CACNA2D3: variants seen among roughly 807,000 people sequenced by gnomAD.
CACNA2D3 encodes the protein calcium voltage-gated channel auxiliary subunit alpha2delta 3.
A neutral mutation model predicts 160.6 loss-of-function variants in CACNA2D3; 60 were observed. That is an observed-to-expected ratio of 0.37 (90% CI 0.30 to 0.46). The LOEUF is 0.46. Among genes scored for constraint, CACNA2D3 ranks in the 20% least tolerant of loss-of-function variants. CACNA2D3 has a pLI of 1.00. For missense variants in CACNA2D3, 1,205 were observed against 1,365.0 expected (o/e 0.88, Z 1.85); for synonymous variants, 558 against 492.9 (o/e 1.13, Z -1.75).
intron 4 of CACNA2D3, among the ~76,000 whole-genome samples, chr3:54,436,616 C>T (rs1387144375): frequency 6.6e-6 from 1 of 152,154 alleles, no homozygotes; most frequent in Non-Finnish European, 1.5e-5. Context: ...GAATAGAGTC[C>T]ATGTCCTTTG....
chr3:54,690,688 G>A (rs1334044668), intron 11 of CACNA2D3, among the ~76,000 whole-genome samples: 1 of 152,138 alleles, frequency 6.6e-6, no homozygotes, highest in Non-Finnish European at 1.5e-5. Context: ...TCTGACTGAA[G>A]AACCAGTATG....
At chr3:54,701,158 A>G (rs1454170297) in intron 11 of CACNA2D3, among the ~76,000 whole-genome samples, 1 of 152,244 alleles carries the variant, frequency 6.6e-6, no homozygotes, top group East Asian at 1.9e-4. Context: ...TCTAGGCTTT[A>G]CAAGTCATCT....
intron 2 of CACNA2D3, among the ~76,000 whole-genome samples, chr3:54,287,097 T>C (rs1380633367): frequency 7.9e-5 from 12 of 152,002 alleles, no homozygotes; most frequent in African/African-American, 2.4e-4. Flanking sequence ...TAAATGTAAA[T>C]GGACTAAATG....
intron 13 of CACNA2D3, among the ~76,000 whole-genome samples, chr3:54,777,161 C>G (rs1038493301): frequency 6.6e-6 from 1 of 152,156 alleles, no homozygotes; most frequent in Admixed American, 6.5e-5. Flanking sequence ...CACCTTTACT[C>G]CAAAAGAATC....
intron 11 of CACNA2D3, among the ~76,000 whole-genome samples, chr3:54,711,760 G>A (rs955425769): frequency 2.6e-5 from 4 of 152,244 alleles, no homozygotes; most frequent in African/African-American, 9.6e-5. Context: ...TAGGTAGACA[G>A]TTGGCAGTAC....
chr3:54,254,477 G>A (rs1388078290), intron 2 of CACNA2D3, among the ~76,000 whole-genome samples: 1 of 152,172 alleles, frequency 6.6e-6, no homozygotes, highest in African/African-American at 2.4e-5. Context: ...CAATCTTCCA[G>A]TAGCTTCTTT....
At chr3:54,488,352 C>T (rs1277691735) in intron 4 of CACNA2D3, among the ~76,000 whole-genome samples, 2 of 152,154 alleles carry the variant, frequency 1.3e-5, no homozygotes, top group African/African-American at 4.8e-5. Flanking sequence ...TGATGAAAGG[C>T]CCTGCCAGGC....
intron 2 of CACNA2D3, among the ~76,000 whole-genome samples, chr3:54,245,389 T>A (rs1438095942): frequency 1.3e-5 from 2 of 152,040 alleles, no homozygotes; most frequent in Admixed American, 6.6e-5. Flanking sequence ...GGGGACCCCC[T>A]GCCTGGACCC....
At chr3:54,302,785 C>T (rs1373732631) in intron 2 of CACNA2D3, among the ~76,000 whole-genome samples, 1 of 151,932 alleles carries the variant, frequency 6.6e-6, no homozygotes, top group African/African-American at 2.4e-5. Context: ...TCTTCTTCCT[C>T]CTCCATCCGG....
At chr3:54,646,180 C>CTTCCTTCCT (rs1699640073) in intron 11 of CACNA2D3, among the ~76,000 whole-genome samples, 2 of 30,162 alleles carry the variant, frequency 6.6e-5, no homozygotes, top group African/African-American at 2.7e-4. Context: ...CCCTCCCTCC[C>CTTCCTTCCT]TCCCTCCTTC....
At chr3:54,633,326 A>AC (rs2106827342) in intron 10 of CACNA2D3, among the ~76,000 whole-genome samples, 1 of 152,250 alleles carries the variant, frequency 6.6e-6, no homozygotes, top group Non-Finnish European at 1.5e-5. Context: ...TAGCTGTGTG[A>AC]CCTGGGGCAA....
chr3:54,411,336 C>T (rs1699664820), intron 4 of CACNA2D3, among the ~76,000 whole-genome samples: 1 of 152,196 alleles, frequency 6.6e-6, no homozygotes, highest in South Asian at 2.1e-4. Context: ...TTGCATGCTA[C>T]TGAGAAATCT....
At chr3:54,653,713 T>C (rs1266093774) in intron 11 of CACNA2D3, among the ~76,000 whole-genome samples, 3 of 152,170 alleles carry the variant, frequency 2.0e-5, no homozygotes, top group Admixed American at 2.0e-4. Flanking sequence ...CTGCCAGCCA[T>C]TGAAAAATCA....
intron 9 of CACNA2D3, among the ~76,000 whole-genome samples, chr3:54,617,844 G>A (rs1698888254): frequency 1.3e-5 from 2 of 152,076 alleles, no homozygotes; most frequent in African/African-American, 4.8e-5. Context: ...ACTGAGCCCT[G>A]AGGCCACCAC....
At chr3:54,147,044 G>A (rs902474730) in intron 2 of CACNA2D3, among the ~76,000 whole-genome samples, 40 of 152,354 alleles carry the variant, frequency 2.6e-4, no homozygotes, top group African/African-American at 9.6e-4. Flanking sequence ...TTTCCAATTT[G>A]CCTTTTCTGC....
intron 4 of CACNA2D3, among the ~76,000 whole-genome samples, chr3:54,465,953 G>A (rs887424123): frequency 2.0e-5 from 3 of 152,044 alleles, no homozygotes; most frequent in African/African-American, 7.2e-5. Context: ...AGTTTCATAT[G>A]GTTATGAGAC....
rs537650098 is a variant in CACNA2D3 at position 54,665,055 on chromosome 3, A to G, written c.1167+22814A>G. Among the ~76,000 whole-genome samples, 190 of 152,300 alleles carry G rather than the reference A, an allele frequency of 1.2e-3. 1 individual carries two copies. Among genetic ancestry groups the G allele is most frequent in the African/African-American group, 4.3e-3 (179 of 41,560 alleles). On this transcript the variant is annotated intron_variant, in intron 11 of 37. Transcript: ENST00000474759. ...GCTGTGTTTCTGTAGGACAATGGGGACATCTAATAATATATCGGGCTGACC... is the reference window on the plus strand; with the variant it reads ...GCTGTGTTTCTGTAGGACAATGGGGGCATCTAATAATATATCGGGCTGACC...
At chr3:54,656,758 G>A (rs1170637487) in intron 11 of CACNA2D3, among the ~76,000 whole-genome samples, 1 of 152,220 alleles carries the variant, frequency 6.6e-6, no homozygotes, top group Non-Finnish European at 1.5e-5. Context: ...CCAGAAGCAG[G>A]CAGGCACCCT....
At chr3:54,203,448 C>T (rs1372844274) in intron 2 of CACNA2D3, among the ~76,000 whole-genome samples, 1 of 152,188 alleles carries the variant, frequency 6.6e-6, no homozygotes, top group African/African-American at 2.4e-5. Context: ...CTGTAGGCAG[C>T]TTGTGTTAGC....
Sources: allele counts gnomAD v4.1 joint callset (sites outside exome capture counted in the v4.1 genomes callset), GRCh38; gene constraint gnomAD v4.1.1; transcripts MANE v1.5; gene names NCBI Gene and HGNC (gene_info 2026-07-23, HGNC 2026-07-21).